The following ANKRD13C variants were observed in gnomAD, a reference collection of about 807,000 sequenced individuals.
The protein encoded by ANKRD13C is ankyrin repeat domain-containing protein 13C.
A neutral mutation model predicts 65.5 loss-of-function variants in ANKRD13C; 16 were observed. The observed-to-expected ratio is 0.24, with a 90% CI of 0.17 to 0.37. ANKRD13C has a LOEUF of 0.37. Ranked by LOEUF, ANKRD13C falls within the 10% of genes least tolerant of loss-of-function variation. The pLI, the probability that ANKRD13C is intolerant of heterozygous loss-of-function variation, is 1.00. For missense variants in ANKRD13C, 503 were observed against 655.9 expected (o/e 0.77, Z 2.55); for synonymous variants, 235 against 238.7 (o/e 0.98, Z 0.14).
At chr1:70,350,407 G>A (rs1682697273) in intron 1 of ANKRD13C, among the ~76,000 whole-genome samples, 1 of 152,190 alleles carries the variant, frequency 6.6e-6, no homozygotes, top group African/African-American at 2.4e-5. Flanking sequence ...CACAAACAAT[G>A]TGATGAGGAA....
chr1:70,327,715 TG>T (rs1444688961), intron 2 of ANKRD13C, among the ~76,000 whole-genome samples: 1 of 152,130 alleles, frequency 6.6e-6, no homozygotes, highest in Non-Finnish European at 1.5e-5. Flanking sequence ...CTGAAGTATT[TG>T]GGGGTAAAAT....
Position 70,336,062 on chromosome 1 carries a change from AT to A in ANKRD13C, c.467del (p.Asn156IlefsTer17). 1 of 820,356 alleles carries A rather than the reference AT, an allele frequency of 1.2e-6. No individual in the cohort carries two copies. Among genetic ancestry groups the A allele is most frequent in the Non-Finnish European group, 1.7e-6 (1 of 586,494 alleles). 50.8% of individuals were successfully genotyped at this position (820,356 alleles called of 1,614,324 possible). A position where few individuals can be genotyped will look rare whatever the true frequency, so the allele number is the denominator to read the frequency against. Reference sequence around the variant, plus strand: ...AAAAAGAAAATATTTACTAACCTTTATTTCCTAACATCACAGCAAGGTGTAA... The same window carrying A: ...AAAAAGAAAATATTTACTAACCTTTATTCCTAACATCACAGCAAGGTGTAA... ...TPLHLAVMLG[N>X]KECAHLLLAH... On this transcript the variant is annotated frameshift_variant, in exon 2 of 13. Coordinates refer to ENST00000370944, the MANE Select transcript of ANKRD13C (RefSeq NM_030816.5). LOFTEE classifies it high-confidence loss of function.
chr1:70,353,967 A>G lies in ANKRD13C; in HGVS notation c.430+12T>C. On this transcript the variant is annotated intron_variant, in intron 1 of 12. Transcript: ENST00000370944. The stretch of plus-strand genomic sequence containing the variant: ...GGAAGGAGAGAGGTGGAGAGGGGCT[A>G]GCACTCCTCACCGTGATTATCTTTC... The G allele has an allele frequency of 6.6e-7, 1 of 1,518,346 alleles. No individual in the cohort carries two copies. Among genetic ancestry groups the G allele is most frequent in the Non-Finnish European group, 8.8e-7 (1 of 1,132,436 alleles). 94.1% of individuals were successfully genotyped at this position (1,518,346 alleles called of 1,614,324 possible).
intron 9 of ANKRD13C, among the ~76,000 whole-genome samples, chr1:70,285,441 C>T (rs1036041841): frequency 1.3e-5 from 2 of 150,868 alleles, no homozygotes; most frequent in South Asian, 2.1e-4. Flanking sequence ...GTGATCCGGT[C>T]GCCTCAGCCT....
At chr1:70,282,167 G>C (rs1013656916) in intron 9 of ANKRD13C, among the ~76,000 whole-genome samples, 1 of 146,750 alleles carries the variant, frequency 6.8e-6, no homozygotes, top group Non-Finnish European at 1.5e-5. Flanking sequence ...CCATTCTCCT[G>C]CCTCAGCCTC....
At chr1:70,281,934 A>G (rs1321346661) in intron 9 of ANKRD13C, among the ~76,000 whole-genome samples, 1 of 150,826 alleles carries the variant, frequency 6.6e-6, no homozygotes, top group African/African-American at 2.4e-5. Flanking sequence ...CAGGAGGCAG[A>G]GGTTGCAGTG....
chr1:70,296,112 A>G lies in ANKRD13C; in HGVS notation c.1053+18T>C. The G allele has an allele frequency of 1.2e-6, 2 of 1,606,466 alleles. No homozygotes were observed. The highest frequency in any genetic ancestry group is 1.7e-6 in the Non-Finnish European group (2 of 1,177,872). ...ACCGAACAATGCTTAAAGTTTAAAA[A>G]TCTAGATTTGCACATACTGTTTTAT... On this transcript the variant is annotated intron_variant, in intron 8 of 12. Coordinates refer to ENST00000370944, the MANE Select transcript of ANKRD13C (RefSeq NM_030816.5).
chr1:70,313,896 A>T, intron 4 of ANKRD13C, 106 bp from the exon 5 acceptor site: 1 of 715,104 alleles, frequency 1.4e-6, no homozygotes, highest in Non-Finnish European at 2.4e-6. Context: ...GCATTACTAT[A>T]CTTAATTACA....
At chr1:70,307,588 T>C (rs1680641000) in intron 5 of ANKRD13C, among the ~76,000 whole-genome samples, 1 of 152,192 alleles carries the variant, frequency 6.6e-6, no homozygotes, top group Admixed American at 6.5e-5. Flanking sequence ...AAGTTTATTG[T>C]CCAGAGAGAA....
intron 9 of ANKRD13C, among the ~76,000 whole-genome samples, chr1:70,288,237 A>C (rs1332956171): frequency 3.3e-5 from 5 of 152,242 alleles, no homozygotes; most frequent in Non-Finnish European, 7.3e-5. Context: ...ATAGAAAATA[A>C]TGACAATACC....
At position 70,313,713 on chromosome 1, in the gene ANKRD13C, A is replaced by G. The variant is rs550712547; in HGVS notation, c.709+32T>C. The G allele has an allele frequency of 8.8e-5, 135 of 1,537,252 alleles. 4 individuals carry two copies. The South Asian group carries it at 1.3e-3, about 15-fold the overall frequency. ...TGTACTTGCATTTCTGCATAAGTACATATTTTATACTAAAACATAGCATAC... is the reference window on the plus strand; with the variant it reads ...TGTACTTGCATTTCTGCATAAGTACGTATTTTATACTAAAACATAGCATAC... On this transcript the variant is annotated intron_variant, in intron 5 of 12. Coordinates refer to ENST00000370944, the MANE Select transcript of ANKRD13C (RefSeq NM_030816.5).
chr1:70,277,769 G>A lies in ANKRD13C; in HGVS notation c.1216-925C>T, dbSNP rs116753903. Among the ~76,000 whole-genome samples, 300 of 152,240 alleles carry A rather than the reference G, an allele frequency of 2.0e-3. 1 individual carries two copies. The highest frequency in any genetic ancestry group is 6.5e-3 in the African/African-American group (272 of 41,552). On this transcript the variant is annotated intron_variant, in intron 9 of 12. Transcript: ENST00000370944. ...GGGAAGTTCAAAACGGAGATCAACA[G>A]TAGATGGTAAAAATCGCAAAGGTCA...
At chr1:70,306,085 TC>T (rs1680575832) in intron 6 of ANKRD13C, 138 bp downstream of exon 6, 2 of 476,472 alleles carry the variant, frequency 4.2e-6, no homozygotes, top group Non-Finnish European at 7.1e-6. Flanking sequence ...ATCTATTATG[TC>T]TCGAATGAGA....
chr1:70,341,136 C>A (rs1237618226), intron 1 of ANKRD13C, among the ~76,000 whole-genome samples: 1 of 152,044 alleles, frequency 6.6e-6, no homozygotes, highest in African/African-American at 2.4e-5. Context: ...GATATTAACA[C>A]CATTATACCA....
At chr1:70,342,211 G>A (rs1312564432) in intron 1 of ANKRD13C, among the ~76,000 whole-genome samples, 1 of 152,046 alleles carries the variant, frequency 6.6e-6, no homozygotes, top group Non-Finnish European at 1.5e-5. Flanking sequence ...CCTCAAAGGA[G>A]AAGTATAGGC....
chr1:70,314,929 AG>A (rs1681010885), intron 4 of ANKRD13C, among the ~76,000 whole-genome samples: 1 of 152,138 alleles, frequency 6.6e-6, no homozygotes, highest in Non-Finnish European at 1.5e-5. Flanking sequence ...ACAGATAAAA[AG>A]AGTTTTTGTT....
At chr1:70,278,843 C>T (rs931401216) in intron 9 of ANKRD13C, among the ~76,000 whole-genome samples, 1 of 152,114 alleles carries the variant, frequency 6.6e-6, no homozygotes, top group Non-Finnish European at 1.5e-5. Context: ...ACTTAACTCA[C>T]TTGCAAAATG....
chr1:70,271,143 C>T (rs1303967665), intron 11 of ANKRD13C, among the ~76,000 whole-genome samples, 187 bp from the exon 12 acceptor site: 2 of 152,104 alleles, frequency 1.3e-5, no homozygotes, highest in African/African-American at 4.8e-5. Flanking sequence ...GATTGTGCAG[C>T]CATAATTTTC....
intron 5 of ANKRD13C, among the ~76,000 whole-genome samples, chr1:70,307,303 A>T (rs1680628979): frequency 6.6e-6 from 1 of 152,166 alleles, no homozygotes; most frequent in Admixed American, 6.5e-5. Flanking sequence ...TTGAGAGGCC[A>T]AAGCGGATAA....
Sources: gnomAD v4.1 joint callset for allele counts (sites outside exome capture counted in the v4.1 genomes callset) on GRCh38, gnomAD v4.1.1 for gene constraint, MANE v1.5 for transcripts, NCBI Gene and HGNC (gene_info 2026-07-23, HGNC 2026-07-21) for gene names.